Variants in EDAR observed in about 807,000 individuals in gnomAD.
The protein encoded by EDAR is tumor necrosis factor receptor superfamily member EDAR.
In EDAR, 38 loss-of-function variants were observed where a neutral mutation model predicts 51.3. The ratio of observed to expected loss-of-function variants is 0.74; its 90% CI spans 0.57 to 0.97. The LOEUF is 0.97. Ranked by LOEUF, EDAR falls within the 50% of genes least tolerant of loss-of-function variation. EDAR has a pLI of 0.00. For missense variants in EDAR, 528 were observed against 595.0 expected, an observed-to-expected ratio of 0.89 and a Z score of 1.17; for synonymous variants, 227 against 242.1, an observed-to-expected ratio of 0.94 and a Z score of 0.58.
chr2:108,910,559 G>C, intron 8 of EDAR, 27 bp from the exon 9 acceptor site: 1 of 1,593,762 alleles, frequency 6.3e-7, no homozygotes, highest in African/African-American at 1.3e-5. Flanking sequence ...AGGTTGGGGA[G>C]ATAGGAGTTA....
intron 4 of EDAR, among the ~76,000 whole-genome samples, chr2:108,923,860 C>T (rs1697198711): frequency 6.6e-6 from 1 of 152,230 alleles, no homozygotes; most frequent in Non-Finnish European, 1.5e-5. Context: ...TGTGAGCACC[C>T]TCCCCAGAGC....
intron 5 of EDAR, among the ~76,000 whole-genome samples, chr2:108,918,053 C>T (rs1574377466): frequency 1.3e-5 from 2 of 152,010 alleles, no homozygotes; most frequent in South Asian, 4.2e-4. Flanking sequence ...GTTGAATGCA[C>T]GTGATGTCTA....
chr2:108,949,577 C>G (rs1233598869), intron 1 of EDAR, among the ~76,000 whole-genome samples: 1 of 152,148 alleles, frequency 6.6e-6, no homozygotes, highest in Non-Finnish European at 1.5e-5. Context: ...TTAATTGCAT[C>G]ATAAAATCTT....
chr2:108,916,877 C>T (rs1697038626), intron 5 of EDAR, among the ~76,000 whole-genome samples: 1 of 152,206 alleles, frequency 6.6e-6, no homozygotes, highest in East Asian at 1.9e-4. Flanking sequence ...AGACACTTCT[C>T]ACAAGACTGG....
intron 1 of EDAR, among the ~76,000 whole-genome samples, chr2:108,940,956 C>A (rs1697582260): frequency 6.6e-6 from 1 of 152,072 alleles, no homozygotes; most frequent in African/African-American, 2.4e-5. Context: ...GTATATACAC[C>A]CCCTGTGGCT....
At chr2:108,920,638 G>A (rs1558808374) in intron 5 of EDAR, among the ~76,000 whole-genome samples, 1 of 152,216 alleles carries the variant, frequency 6.6e-6, no homozygotes, top group Non-Finnish European at 1.5e-5. Context: ...AGCCAGGACT[G>A]ATCTGCAATC....
At chr2:108,984,308 G>A (rs985012903) in intron 1 of EDAR, among the ~76,000 whole-genome samples, 3 of 152,158 alleles carry the variant, frequency 2.0e-5, no homozygotes, top group Non-Finnish European at 2.9e-5. Flanking sequence ...CGTGGCATGG[G>A]ATGGGGTGGT....
chr2:108,957,467 TGGCCCCGGGCTCATGGA>T (rs1376878984), intron 1 of EDAR, among the ~76,000 whole-genome samples: 2 of 152,212 alleles, frequency 1.3e-5, no homozygotes, highest in Non-Finnish European at 2.9e-5. Flanking sequence ...ATAAATCAAG[TGGCCCCGGGCTCATGGA>T]GGCCCCCCAG....
At chr2:108,911,599 G>A (rs756303891) in intron 6 of EDAR, among the ~76,000 whole-genome samples, 8 of 152,270 alleles carry the variant, frequency 5.3e-5, no homozygotes, top group East Asian at 3.9e-4. Context: ...CTGCACTGCC[G>A]CCTCCACCAG....
chr2:108,915,075 C>CT (rs1697002973), intron 5 of EDAR, among the ~76,000 whole-genome samples: 1 of 152,026 alleles, frequency 6.6e-6, no homozygotes, highest in Admixed American at 6.5e-5. Context: ...ACCACACCTA[C>CT]TTTTTGTATT....
Position 108,966,853 on chromosome 2 carries a change from C to G in EDAR, c.-19+22107G>C, listed in dbSNP as rs142965384. The stretch of plus-strand genomic sequence containing the variant: ...AAACTGCTGAGTAGGACAAACAACT[C>G]CACTAACATGATGAAGTGAAAGGGA... On this transcript the variant is annotated intron_variant, in intron 1 of 11. Transcript: ENST00000258443. Among the ~76,000 whole-genome samples the G allele has an allele frequency of 3.7e-4, 56 of 152,306 alleles. 1 individual carries two copies. The highest frequency in any genetic ancestry group is 3.4e-3 in the Middle Eastern group (1 of 292).
chr2:108,962,459 G>A (rs1698066445), intron 1 of EDAR, among the ~76,000 whole-genome samples: 1 of 152,008 alleles, frequency 6.6e-6, no homozygotes, highest in African/African-American at 2.4e-5. Flanking sequence ...GGATCATGAG[G>A]TCAGGAGATC....
At chr2:108,953,459 C>T (rs777059962) in intron 1 of EDAR, among the ~76,000 whole-genome samples, 2 of 152,138 alleles carry the variant, frequency 1.3e-5, no homozygotes, top group Non-Finnish European at 2.9e-5. Flanking sequence ...GGCCTCACTA[C>T]AGTCTACAAA....
intron 1 of EDAR, among the ~76,000 whole-genome samples, chr2:108,933,298 A>C (rs187343622): frequency 6.6e-6 from 1 of 152,260 alleles, no homozygotes; most frequent in East Asian, 1.9e-4. Context: ...GGGAACATTC[A>C]CTTTTTATTT....
chr2:108,963,350 T>C (rs914974766), intron 1 of EDAR, among the ~76,000 whole-genome samples: 2 of 152,204 alleles, frequency 1.3e-5, no homozygotes, highest in Non-Finnish European at 2.9e-5. Flanking sequence ...CTTCAAAATC[T>C]GTTTCTAGGA....
intron 1 of EDAR, among the ~76,000 whole-genome samples, chr2:108,933,969 G>A (rs1333906847): frequency 2.0e-5 from 3 of 152,160 alleles, no homozygotes; most frequent in Non-Finnish European, 4.4e-5. Context: ...AGCAGGGCTG[G>A]AGGCCTTCCA....
At position 108,927,864 on chromosome 2, in the gene EDAR, C is replaced by A. The variant is rs186574600; in HGVS notation, c.356+1334G>T. ...CAGCTGACAAATGGCACTATTTCCA[C>A]ATGGCCAGTCATGGAGACACCTGAG... On this transcript the variant is annotated intron_variant, in intron 4 of 11. Coordinates refer to ENST00000258443, the MANE Select transcript of EDAR (RefSeq NM_022336.4). 2.1e-3 allele frequency among the ~76,000 whole-genome samples: 322 copies of A among 152,310 alleles called. 1 individual carries two copies. Among genetic ancestry groups the A allele is most frequent in the African/African-American group, 7.4e-3 (308 of 41,546 alleles).
At chr2:108,934,037 G>A (rs1697421318) in intron 1 of EDAR, among the ~76,000 whole-genome samples, 1 of 152,142 alleles carries the variant, frequency 6.6e-6, no homozygotes, top group Non-Finnish European at 1.5e-5. Flanking sequence ...GAGCCTCGGA[G>A]GGCTTCCCTG....
At chr2:108,899,856 C>G (rs974715711) in intron 11 of EDAR, among the ~76,000 whole-genome samples, 1 of 152,042 alleles carries the variant, frequency 6.6e-6, no homozygotes, top group Non-Finnish European at 1.5e-5. Flanking sequence ...CGTGGTAGTG[C>G]ACACCTGTAA....
Sources: allele counts gnomAD v4.1 joint callset (sites outside exome capture counted in the v4.1 genomes callset), GRCh38; gene constraint gnomAD v4.1.1; transcripts MANE v1.5; gene names NCBI Gene and HGNC (gene_info 2026-07-23, HGNC 2026-07-21).